Variants in ZNF385D observed in about 807,000 individuals in gnomAD.
The protein encoded by ZNF385D is zinc finger protein 385D.
Under a neutral mutation model 35.8 loss-of-function variants are expected in ZNF385D, and 15 were observed. That is an observed-to-expected ratio of 0.42 (90% confidence interval 0.28 to 0.64). ZNF385D has a LOEUF of 0.64. ZNF385D is among the 30% of genes least tolerant of loss of function. The pLI is 0.23. For synonymous variants in ZNF385D, 212 were observed against 186.8 expected, an observed-to-expected ratio of 1.13 and a Z score of -1.10; for missense variants, 474 against 494.6, an observed-to-expected ratio of 0.96 and a Z score of 0.39.
At chr3:21,496,228 T>C (rs1222741959) in intron 4 of ZNF385D, among the ~76,000 whole-genome samples, 2 of 149,604 alleles carry the variant, frequency 1.3e-5, no homozygotes, top group African/African-American at 4.9e-5. Context: ...ATACCTAAAG[T>C]TGGCAGAGAT....
intron 3 of ZNF385D, among the ~76,000 whole-genome samples, chr3:21,976,380 T>A (rs966906127): frequency 6.6e-6 from 1 of 152,230 alleles, no homozygotes; most frequent in South Asian, 2.1e-4. Flanking sequence ...AATAAATAAA[T>A]GACCAAGTGG....
At chr3:21,893,038 G>A (rs1698958248) in intron 3 of ZNF385D, among the ~76,000 whole-genome samples, 1 of 152,106 alleles carries the variant, frequency 6.6e-6, no homozygotes, top group African/African-American at 2.4e-5. Context: ...TAGGAGAAGA[G>A]AAGAAAATAG....
At chr3:21,519,521 C>G (rs1707783652) in intron 3 of ZNF385D, among the ~76,000 whole-genome samples, 2 of 152,162 alleles carry the variant, frequency 1.3e-5, no homozygotes. Flanking sequence ...TTGTATATAT[C>G]TTGAATTCAA....
intron 3 of ZNF385D, among the ~76,000 whole-genome samples, chr3:22,137,497 G>T (rs1189586559): frequency 6.6e-6 from 1 of 152,086 alleles, no homozygotes; most frequent in African/African-American, 2.4e-5. Context: ...TTCATCCCTG[G>T]GATGCAAGGC....
At chr3:22,104,408 G>A (rs1702101126) in intron 3 of ZNF385D, among the ~76,000 whole-genome samples, 2 of 152,106 alleles carry the variant, frequency 1.3e-5, no homozygotes, top group African/African-American at 2.4e-5. Context: ...TTTAGAGGAA[G>A]ACTAATGACA....
At chr3:21,825,481 T>TAA (rs147207080) in intron 3 of ZNF385D, among the ~76,000 whole-genome samples, 8 of 148,488 alleles carry the variant, frequency 5.4e-5, no homozygotes, top group South Asian at 4.2e-4. Context: ...TGTTTGCAAA[T>TAA]AAAAAAAAAA....
intron 7 of ZNF385D, among the ~76,000 whole-genome samples, 168 bp downstream of exon 7, chr3:21,423,795 A>G (rs1200736515): frequency 6.6e-6 from 1 of 152,218 alleles, no homozygotes; most frequent in African/African-American, 2.4e-5. Context: ...TTGACTCAAA[A>G]GAGTTTGGTT....
intron 3 of ZNF385D, among the ~76,000 whole-genome samples, chr3:21,903,735 T>C (rs1363926483): frequency 6.6e-6 from 1 of 152,070 alleles, no homozygotes; most frequent in Non-Finnish European, 1.5e-5. Flanking sequence ...GCAAAAGCAA[T>C]AGAAATAATG....
rs1489451228 is a variant in ZNF385D, at chr3:21,586,585, GT to G, written c.166-21902del. Among the ~76,000 whole-genome samples the G allele has an allele frequency of 2.0e-5, 3 of 152,146 alleles. 1 individual carries two copies. The highest frequency in any genetic ancestry group is 2.0e-4 in the Admixed American group (3 of 15,274). ...AATGAATTAAAGACAAATTGAGGAG[GT>G]TGGGCAGTTTGATAAAGTTGTAAGG... On this transcript the variant is annotated intron_variant, in intron 2 of 7. Coordinates refer to ENST00000281523, the MANE Select transcript of ZNF385D (RefSeq NM_024697.3).
intron 2 of ZNF385D, among the ~76,000 whole-genome samples, chr3:22,221,312 G>A (rs1349903809): frequency 1.3e-5 from 2 of 151,956 alleles, no homozygotes; most frequent in Non-Finnish European, 2.9e-5. Context: ...AAGAAAACTT[G>A]TTATAAAACC....
chr3:21,503,416 C>G (rs1706533242), intron 4 of ZNF385D, among the ~76,000 whole-genome samples: 3 of 152,126 alleles, frequency 2.0e-5, no homozygotes, highest in Admixed American at 6.6e-5. Flanking sequence ...CTTAGGAAAA[C>G]AGACACAAAA....
intron 3 of ZNF385D, among the ~76,000 whole-genome samples, chr3:21,770,785 C>A (rs143520436): frequency 6.6e-6 from 1 of 152,136 alleles, no homozygotes; most frequent in Non-Finnish European, 1.5e-5. Flanking sequence ...AAGACACATG[C>A]ACACGTATGT....
intron 2 of ZNF385D, among the ~76,000 whole-genome samples, chr3:22,308,541 G>A (rs1703360467): frequency 6.6e-6 from 1 of 151,952 alleles, no homozygotes; most frequent in African/African-American, 2.4e-5. Context: ...CTTAGTGATG[G>A]AAAAGGCAGT....
At chr3:21,527,875 G>C (rs1227893765) in intron 3 of ZNF385D, among the ~76,000 whole-genome samples, 2 of 152,112 alleles carry the variant, frequency 1.3e-5, no homozygotes, top group Non-Finnish European at 2.9e-5. Flanking sequence ...TGAGCACTAA[G>C]AGCGTAAAGA....
At chr3:22,119,644 C>T (rs1468936728) in intron 3 of ZNF385D, among the ~76,000 whole-genome samples, 1 of 152,096 alleles carries the variant, frequency 6.6e-6, no homozygotes, top group Non-Finnish European at 1.5e-5. Context: ...CTTATGGTTA[C>T]TTCAGCCACT....
At position 21,685,661 on chromosome 3, in the gene ZNF385D, CA is replaced by C. The variant is rs2067080704; in HGVS notation, c.23-20634del. Among the ~76,000 whole-genome samples the C allele has an allele frequency of 2.0e-5, 3 of 152,108 alleles. No homozygotes were observed. In the South Asian group the frequency reaches 6.2e-4, roughly 32 times the overall value. On this transcript the variant is annotated intron_variant, in intron 1 of 7. Coordinates refer to ENST00000281523, the MANE Select transcript of ZNF385D (RefSeq NM_024697.3). Reference sequence around the variant, plus strand: ...GACAAATCTCAAGGGCTCTGAATAGCATGGCTCATAAAAAGACAAAGTACAA... The same window carrying C: ...GACAAATCTCAAGGGCTCTGAATAGCTGGCTCATAAAAAGACAAAGTACAA...
chr3:22,186,266 G>C (rs1695624388), intron 2 of ZNF385D, among the ~76,000 whole-genome samples: 1 of 152,128 alleles, frequency 6.6e-6, no homozygotes, highest in South Asian at 2.1e-4. Context: ...ATCTTGGAGA[G>C]AAAGAATGCT....
At chr3:22,057,618 T>C (rs1171747430) in intron 3 of ZNF385D, among the ~76,000 whole-genome samples, 2 of 152,086 alleles carry the variant, frequency 1.3e-5, no homozygotes, top group East Asian at 3.9e-4. Context: ...GAAGCAATTC[T>C]CTTGTCTCAA....
At chr3:22,288,545 CTTCAG>C in intron 2 of ZNF385D, among the ~76,000 whole-genome samples, 1 of 152,034 alleles carries the variant, frequency 6.6e-6, no homozygotes, top group South Asian at 2.1e-4. Flanking sequence ...CATTTTTTAA[CTTCAG>C]TTATTATATT....
Sources: gnomAD v4.1 joint callset for allele counts (sites outside exome capture counted in the v4.1 genomes callset) on GRCh38, gnomAD v4.1.1 for gene constraint, MANE v1.5 for transcripts, NCBI Gene and HGNC (gene_info 2026-07-23, HGNC 2026-07-21) for gene names.